The following PHF3 variants were observed in gnomAD, a reference collection of about 807,000 sequenced individuals.
PHF3 encodes the protein PHD finger protein 3.
A neutral mutation model predicts 178.4 loss-of-function variants in PHF3; 41 were observed. The ratio of observed to expected loss-of-function variants is 0.23; its 90% CI spans 0.18 to 0.30. The LOEUF (loss-of-function observed/expected upper bound fraction) is 0.30, where lower values mean the gene tolerates loss of function less well. PHF3 is among the 10% of genes least tolerant of loss of function. The pLI is 1.00. For missense variants in PHF3, 2,346 were observed against 2,398.1 expected, an observed-to-expected ratio of 0.98 and a Z score of 0.45; for synonymous variants, 842 against 800.5, an observed-to-expected ratio of 1.05 and a Z score of -0.88.
rs548642044 is a variant in PHF3 at position 63,723,227 on chromosome 6, T to G, written c.*9519T>G. ...AAAGAAACTCAGTTTATTTGCATAATTTCTAACATGTATAGCATTTTTAAC... is the reference window on the plus strand; with the variant it reads ...AAAGAAACTCAGTTTATTTGCATAAGTTCTAACATGTATAGCATTTTTAAC... On this transcript the variant is annotated 3_prime_UTR_variant, in exon 16 of 16. Coordinates refer to ENST00000262043, the MANE Select transcript of PHF3 (RefSeq NM_001370348.2). Among the ~76,000 whole-genome samples, 121 of 152,258 alleles carry G rather than the reference T, an allele frequency of 7.9e-4. No homozygotes were observed. The highest frequency in any genetic ancestry group is 1.6e-3 in the Non-Finnish European group (107 of 68,006).
chr6:63,685,623 C>T lies in PHF3; in HGVS notation c.1901C>T (p.Ala634Val), dbSNP rs1398442780. ...CAGTGTCATAAGCCTCAGCAACAGG[C>T]CCCAGCAATGAAAACCAATAGTCAC... is the stretch of plus-strand genomic sequence containing the variant. ...QKQCHKPQQQ[A>V]PAMKTNSHVK... The change falls in exon 4 of 16, where the codon GCC (alanine) becomes GTC (valine). Residue 634 changes from alanine to valine, a missense_variant. By Grantham distance (64) the Ala-to-Val change is moderately conservative. Coordinates refer to ENST00000262043, the MANE Select transcript of PHF3 (RefSeq NM_001370348.2). 5.6e-6 allele frequency: 9 copies of T among 1,613,916 alleles called. No individual in the cohort carries two copies. Among genetic ancestry groups the T allele is most frequent in the Non-Finnish European group, 7.6e-6 (9 of 1,180,006 alleles).
chr6:63,668,938 G>T (rs866680175), intron 2 of PHF3, among the ~76,000 whole-genome samples: 3 of 151,996 alleles, frequency 2.0e-5, no homozygotes, highest in African/African-American at 7.3e-5. Context: ...AAGATTTCTT[G>T]ATATGCAACT....
chr6:63,680,871 G>A (rs1368273019), intron 3 of PHF3, among the ~76,000 whole-genome samples: 1 of 152,040 alleles, frequency 6.6e-6, no homozygotes, highest in Non-Finnish European at 1.5e-5. Flanking sequence ...ATGCAAAGCT[G>A]TTCAGGGATC....
chr6:63,689,350 T>C (rs975600511), intron 4 of PHF3, among the ~76,000 whole-genome samples: 6 of 152,144 alleles, frequency 3.9e-5, no homozygotes, highest in African/African-American at 9.7e-5. Flanking sequence ...TTGGCCCCAA[T>C]TGTAGAAGAC....
rs1422537295 is a variant in PHF3, at chr6:63,712,803, T to C, written c.5215T>C (p.Leu1739=). The change falls in exon 16 of 16, where the codon TTA becomes CTA. Residue 1739 remains leucine (L), a synonymous_variant. Coordinates refer to ENST00000262043, the MANE Select transcript of PHF3 (RefSeq NM_001370348.2). ...QTSQAEQAKP[L]QEDILMQNIE... ...TTCTCAAGCAGAACAAGCAAAACCC[T>C]TACAGGAGGATATTTTAATGCAAAA... 6.2e-7 allele frequency: 1 copy of C among 1,613,972 alleles called. No individual in the cohort carries two copies. Among genetic ancestry groups the C allele is most frequent in the Admixed American group, 1.7e-5 (1 of 59,998 alleles).
rs777461898 is a variant in PHF3, at chr6:63,698,326, G to A, written c.2784G>A (p.Arg928=). The A allele has an allele frequency of 6.8e-6, 11 of 1,612,456 alleles. No individual in the cohort carries two copies. In the East Asian group the frequency reaches 2.2e-4, roughly 33 times the overall value. ...SASKPSADQI[R]QSVRHSLKDI... ...CCAAGCCTTCTGCAGATCAGATCAG[G>A]CAAAGTGTCAGACATTCTCTCAAAG... The change falls in exon 7 of 16, where the codon AGG becomes AGA. Residue 928 remains arginine, a synonymous_variant. Coordinates refer to ENST00000262043, the MANE Select transcript of PHF3 (RefSeq NM_001370348.2).
At chr6:63,651,354 A>AT (rs1765012778) in intron 2 of PHF3, among the ~76,000 whole-genome samples, 1 of 151,432 alleles carries the variant, frequency 6.6e-6, no homozygotes, top group African/African-American at 2.4e-5. Context: ...TCTAGCTGTA[A>AT]TTTTTTCTTT....
At chr6:63,648,657 A>G (rs1345938545) in intron 2 of PHF3, among the ~76,000 whole-genome samples, 2 of 152,212 alleles carry the variant, frequency 1.3e-5, no homozygotes, top group Non-Finnish European at 2.9e-5. Context: ...TGAAGTACAT[A>G]GAAATTTTTT....
At position 63,693,157 on chromosome 6, in the gene PHF3, A is replaced by G. The variant is rs535180170; in HGVS notation, c.2496+1114A>G. Among the ~76,000 whole-genome samples the G allele has an allele frequency of 3.5e-4, 53 of 152,336 alleles. 1 individual carries two copies. Among genetic ancestry groups the G allele is most frequent in the Admixed American group, 2.2e-3 (33 of 15,302 alleles). ...TGATAATATGGATCTGAGAGCCACA[A>G]TGAGAACAGTTTATAGCATGTCTTT... is the stretch of plus-strand genomic sequence containing the variant. On this transcript the variant is annotated intron_variant, in intron 5 of 15. Transcript: ENST00000262043.
intron 2 of PHF3, among the ~76,000 whole-genome samples, chr6:63,660,419 C>G (rs1172956124): frequency 1.3e-5 from 2 of 151,704 alleles, no homozygotes; most frequent in Non-Finnish European, 2.9e-5. Context: ...TAAACATTAA[C>G]TTGGATAATT....
chr6:63,673,359 G>A (rs1184243743), intron 2 of PHF3, among the ~76,000 whole-genome samples: 3 of 151,474 alleles, frequency 2.0e-5, no homozygotes, highest in Non-Finnish European at 3.0e-5. Flanking sequence ...TCATAAAAAA[G>A]CAGCATTAGG....
At chr6:63,667,891 T>C (rs1291760074) in intron 2 of PHF3, among the ~76,000 whole-genome samples, 1 of 152,196 alleles carries the variant, frequency 6.6e-6, no homozygotes, top group Non-Finnish European at 1.5e-5. Context: ...TGTCACATCT[T>C]AGAATGTTTA....
intron 1 of PHF3, among the ~76,000 whole-genome samples, chr6:63,637,291 C>G (rs940178838): frequency 1.3e-5 from 2 of 152,162 alleles, no homozygotes; most frequent in Non-Finnish European, 2.9e-5. Flanking sequence ...AACTTGTCTT[C>G]CCTTTGACAA....
At position 63,717,511 on chromosome 6, in the gene PHF3, TTC is replaced by T. The variant is rs1254131058; in HGVS notation, c.*3805_*3806del. On this transcript the variant is annotated 3_prime_UTR_variant, in exon 16 of 16. Transcript: ENST00000262043. ...GTGCCAAACACCCTAATTCTTTGAT[TTC>T]TGTTTCACAATTATAGTAATATGTA... Among the ~76,000 whole-genome samples, 19 of 146,978 alleles carry T rather than the reference TTC, an allele frequency of 1.3e-4. No individual in the cohort carries two copies. The highest frequency in any genetic ancestry group is 6.1e-4 in the Admixed American group (9 of 14,844).
rs904433350 is a variant in PHF3 at position 63,716,687 on chromosome 6, G to A, written c.*2979G>A. Among the ~76,000 whole-genome samples the A allele has an allele frequency of 6.0e-5, 9 of 150,572 alleles. No individual in the cohort carries two copies. The East Asian group carries it at 9.7e-4, about 16-fold the overall frequency. On this transcript the variant is annotated 3_prime_UTR_variant, in exon 16 of 16. Transcript: ENST00000262043. ...TTCAGGGAGATTCCTTTTTTTTTGC[G>A]CCTTGGTTTCTAGCTTCTAGAGGGC...
rs148625144 is a variant in PHF3 at position 63,712,313 on chromosome 6, T to C, written c.4725T>C (p.Asn1575=). 9.3e-6 allele frequency: 15 copies of C among 1,613,068 alleles called. No homozygotes were observed. The African/African-American group carries it at 1.7e-4, about 19-fold the overall frequency. ...TTTCTACAGAAGCATTTTTAACAAA[T>C]TTATCAATTCAGTCAAAACAAGAGG... ...PDVSTEAFLT[N]LSIQSKQEET... Residue 1575 remains asparagine, a synonymous_variant, in exon 16 of 16, where the codon AAT becomes AAC. Coordinates refer to ENST00000262043, the MANE Select transcript of PHF3 (RefSeq NM_001370348.2).
chr6:63,697,640 G>A (rs186587938), intron 6 of PHF3, among the ~76,000 whole-genome samples: 31 of 152,214 alleles, frequency 2.0e-4, no homozygotes, highest in African/African-American at 6.3e-4. Flanking sequence ...TTAAGTATAC[G>A]AGGGGCTGGT....
At position 63,713,230 on chromosome 6, in the gene PHF3, C is replaced by T. The variant is rs752280388; in HGVS notation, c.5642C>T (p.Pro1881Leu). Residue 1881 changes from proline (P) to leucine (L), a missense_variant, in exon 16 of 16, where the codon CCG becomes CTG. By Grantham distance (98) the Pro-to-Leu change is moderately conservative. This residue lies in a region of PHF3 where 839 missense variants were observed against 806.9 expected (regional missense o/e 1.04). Coordinates refer to ENST00000262043, the MANE Select transcript of PHF3 (RefSeq NM_001370348.2). Reference protein sequence around the residue: ...PLSQASRYIGPQNFYQVKDIR... With the variant: ...PLSQASRYIGLQNFYQVKDIR... ...TCACAAGCATCAAGGTATATAGGCCCGCAGAATTTTTACCAGGTTAAAGAC... is the reference window on the plus strand; with the variant it reads ...TCACAAGCATCAAGGTATATAGGCCTGCAGAATTTTTACCAGGTTAAAGAC... 1.5e-4 allele frequency: 243 copies of T among 1,613,856 alleles called. No homozygotes were observed. The highest frequency in any genetic ancestry group is 1.9e-4 in the Non-Finnish European group (227 of 1,179,988).
Position 63,724,720 on chromosome 6 carries a change from C to T in PHF3, c.*11012C>T, listed in dbSNP as rs1174016336. On this transcript the variant is annotated 3_prime_UTR_variant, in exon 16 of 16. Coordinates refer to ENST00000262043, the MANE Select transcript of PHF3 (RefSeq NM_001370348.2). ...AGTTATCATTTTGTTTTAAATTTTA[C>T]ACTACTTGAGAGTACTCAAATTATT... Among the ~76,000 whole-genome samples the T allele has an allele frequency of 6.6e-6, 1 of 152,010 alleles. No individual in the cohort carries two copies. Among genetic ancestry groups the T allele is most frequent in the Non-Finnish European group, 1.5e-5 (1 of 67,982 alleles).
Sources: gnomAD v4.1 joint callset for allele counts (sites outside exome capture counted in the v4.1 genomes callset) on GRCh38, gnomAD v4.1.1 for gene constraint, gnomAD v4.1.1 regional missense constraint, MANE v1.5 for transcripts, NCBI Gene and HGNC (gene_info 2026-07-23, HGNC 2026-07-21) for gene names.